OXNAD1: variants seen among roughly 807,000 people sequenced by gnomAD.
OXNAD1 encodes oxidoreductase NAD-binding domain-containing protein 1.
Under a neutral mutation model 32.9 loss-of-function variants are expected in OXNAD1, and 34 were observed. That is an observed-to-expected ratio of 1.03 (90% CI 0.79 to 1.38). The LOEUF is 1.38. OXNAD1 is among the 40% of genes most tolerant of loss of function. OXNAD1 has a pLI of 0.00. For missense variants in OXNAD1, 407 were observed against 379.4 expected, an observed-to-expected ratio of 1.07 and a Z score of -0.60; for synonymous variants, 134 against 135.2, an observed-to-expected ratio of 0.99 and a Z score of 0.06.
intron 4 of OXNAD1, among the ~76,000 whole-genome samples, chr3:16,279,363 G>GCTACAA (rs2065585802): frequency 1.3e-5 from 2 of 152,174 alleles, no homozygotes; most frequent in Non-Finnish European, 2.9e-5. Flanking sequence ...CAAAGAAAGG[G>GCTACAA]AGGCTCCTTG....
chr3:16,294,289 A>G (rs1189885444), intron 5 of OXNAD1, among the ~76,000 whole-genome samples: 2 of 149,956 alleles, frequency 1.3e-5, no homozygotes, highest in African/African-American at 4.9e-5. Context: ...TGCAACATCC[A>G]CCTCCCAGGT....
In OXNAD1 at chr3:16,321,420, C is replaced by T. The variant is rs1402494289; in HGVS notation, c.*31-15692C>T. ...AGCTGCTTCAGGGAGTGGGGGTGGT[C>T]CCAACATCCGGGCTGCAAGAGCTCA... On this transcript the variant is annotated intron_variant, in intron 9 of 9. Transcript: ENST00000435829. The surrounding 1 kb of genome is among the most constrained non-coding windows in gnomAD (Gnocchi z 4.8). Among the ~76,000 whole-genome samples the T allele has an allele frequency of 6.6e-6, 1 of 152,094 alleles. No individual in the cohort carries two copies. The highest frequency in any genetic ancestry group is 1.5e-5 in the Non-Finnish European group (1 of 68,004).
Position 16,314,252 on chromosome 3 carries a change from C to G in OXNAD1, c.*30+10660C>G, listed in dbSNP as rs2068178157. On this transcript the variant is annotated intron_variant, in intron 9 of 9. Coordinates refer to the OXNAD1 transcript ENST00000435829. The surrounding 1 kb of genome is among the most constrained non-coding windows in gnomAD (Gnocchi z 4.4). ...AAATGATGGCTTTTTACCCTATTGG[C>G]AATCACAGGGAACTTAACATTTCCT... is the stretch of plus-strand genomic sequence containing the variant. 1.3e-5 allele frequency among the ~76,000 whole-genome samples: 2 copies of G among 152,158 alleles called. No homozygotes were observed. The highest frequency in any genetic ancestry group is 4.8e-5 in the African/African-American group (2 of 41,436).
At chr3:16,347,142 T>G (rs981350943) in intron 9 of OXNAD1, among the ~76,000 whole-genome samples, 23 of 152,206 alleles carry the variant, frequency 1.5e-4, no homozygotes, top group African/African-American at 5.1e-4. Context: ...AGCTCTCTGA[T>G]GAAAATCCCA....
At chr3:16,308,591 T>G (rs1278915704), downstream of OXNAD1, among the ~76,000 whole-genome samples, 2 of 152,254 alleles carry the variant, frequency 1.3e-5, no homozygotes. This position sits in a 1 kb window ranked among gnomAD's most constrained non-coding sequence, Gnocchi z 4.4. Flanking sequence ...TGTTCTCATC[T>G]TAAACAGTGA....
chr3:16,323,524 G>T, intron 9 of OXNAD1: 2 of 1,130,382 alleles, frequency 1.8e-6, no homozygotes, highest in Middle Eastern at 2.0e-4. Context: ...TGACACAGAT[G>T]TTGCCATCCC....
At chr3:16,292,444 C>T (rs982441409) in intron 5 of OXNAD1, among the ~76,000 whole-genome samples, 39 of 152,112 alleles carry the variant, frequency 2.6e-4, no homozygotes, top group African/African-American at 9.4e-4. Context: ...CCACCCACCT[C>T]GGCCTCCCAA....
chr3:16,338,240 G>T (rs1258595000), downstream of OXNAD1, among the ~76,000 whole-genome samples: 1 of 152,236 alleles, frequency 6.6e-6, no homozygotes, highest in East Asian at 1.9e-4. This position sits in a 1 kb window ranked among gnomAD's most constrained non-coding sequence, Gnocchi z 5.3. Context: ...AGGGGTGTCT[G>T]CCCACACACA....
rs963446465 is a variant in OXNAD1, at chr3:16,265,395, G to T, written c.-269G>T. 1 of 155,620 alleles carries T rather than the reference G, an allele frequency of 6.4e-6. No individual in the cohort carries two copies. The highest frequency in any genetic ancestry group is 2.4e-5 in the African/African-American group (1 of 41,476). 9.6% of individuals were successfully genotyped at this position (155,620 alleles called of 1,614,324 possible). A position where few individuals can be genotyped will look rare whatever the true frequency, so the allele number is the denominator to read the frequency against. On this transcript the variant is annotated 5_prime_UTR_variant, in exon 1 of 9. Transcript: ENST00000285083. This position sits in a 1 kb window ranked among gnomAD's most constrained non-coding sequence, Gnocchi z 4.8. Reference sequence around the variant, plus strand: ...GGGGTGGGGAGGCGAGAGCAGCTTAGCCTCCTCGACCTCCCTTCCTGGTGA... The same window carrying T: ...GGGGTGGGGAGGCGAGAGCAGCTTATCCTCCTCGACCTCCCTTCCTGGTGA...
At chr3:16,285,607 G>A (rs1425992631) in intron 4 of OXNAD1, among the ~76,000 whole-genome samples, 2 of 152,188 alleles carry the variant, frequency 1.3e-5, no homozygotes, top group African/African-American at 2.4e-5. Flanking sequence ...CATAGCTCCC[G>A]AGTCAAACCT....
intron 9 of OXNAD1, among the ~76,000 whole-genome samples, chr3:16,332,862 T>C (rs1337153349): frequency 7.0e-6 from 1 of 142,770 alleles, no homozygotes; most frequent in African/African-American, 2.6e-5. Context: ...TACCTACAAT[T>C]GAACCTCATT....
In OXNAD1 at chr3:16,324,777, A is replaced by G. The variant is rs534248136; in HGVS notation, c.*31-12335A>G. On this transcript the variant is annotated intron_variant, in intron 9 of 9. Transcript: ENST00000435829. ...CTTAGCTGTTGTGAATAATGCTGCA[A>G]GGATCATGGAAATGCAGATCCCTCT... 2.0e-5 allele frequency among the ~76,000 whole-genome samples: 3 copies of G among 151,866 alleles called. No homozygotes were observed. In the South Asian group the frequency reaches 6.2e-4, roughly 32 times the overall value.
In OXNAD1 at chr3:16,312,331, G is replaced by A. The variant is rs1282973168; in HGVS notation, c.*30+8739G>A. Among the ~76,000 whole-genome samples the A allele has an allele frequency of 6.6e-6, 1 of 152,174 alleles. No individual in the cohort carries two copies. The highest frequency in any genetic ancestry group is 1.5e-5 in the Non-Finnish European group (1 of 68,026). On this transcript the variant is annotated intron_variant, in intron 9 of 9. Transcript: ENST00000435829. The surrounding 1 kb of genome is among the most constrained non-coding windows in gnomAD (Gnocchi z 4.7). ...AGTGGTTTTGGCGGGTCATAGTGCA[G>A]GCAGAGCACTAATCACCAGGGGCCC...
intron 4 of OXNAD1, among the ~76,000 whole-genome samples, chr3:16,285,312 C>T (rs183044296): frequency 3.3e-5 from 5 of 152,164 alleles, no homozygotes; most frequent in South Asian, 2.1e-4. Flanking sequence ...TAGGATGGGA[C>T]GTTCATTGAC....
rs1294745178 is a variant in OXNAD1, at chr3:16,327,567, G to A, written c.*31-9545G>A. Among the ~76,000 whole-genome samples, 4 of 152,044 alleles carry A rather than the reference G, an allele frequency of 2.6e-5. No individual in the cohort carries two copies. Among genetic ancestry groups the A allele is most frequent in the Non-Finnish European group, 4.4e-5 (3 of 68,002 alleles). Reference sequence around the variant, plus strand: ...ATGGTCAGGAGATCAAGACCATCCTGGCTAACACAGTGAAACCCCGTCTCT... The same window carrying A: ...ATGGTCAGGAGATCAAGACCATCCTAGCTAACACAGTGAAACCCCGTCTCT... On this transcript the variant is annotated intron_variant, in intron 9 of 9. Coordinates refer to the OXNAD1 transcript ENST00000435829. This position sits in a 1 kb window ranked among gnomAD's most constrained non-coding sequence, Gnocchi z 4.2.
At position 16,336,882 on chromosome 3, in the gene OXNAD1, T is replaced by G. The variant is rs1211711964; in HGVS notation, c.*31-230T>G. 1.3e-5 allele frequency among the ~76,000 whole-genome samples: 2 copies of G among 152,190 alleles called. No homozygotes were observed. Among genetic ancestry groups the G allele is most frequent in the African/African-American group, 4.8e-5 (2 of 41,444 alleles). ...AAAAATAATAATTGTTATTATTACA[T>G]GAAACATATTGTTTGGAAGAATGGT... On this transcript the variant is annotated intron_variant, in intron 9 of 9. Coordinates refer to the OXNAD1 transcript ENST00000435829. This position sits in a 1 kb window ranked among gnomAD's most constrained non-coding sequence, Gnocchi z 6.0.
intron 6 of OXNAD1, among the ~76,000 whole-genome samples, chr3:16,300,927 G>A (rs140224828): frequency 7.0e-4 from 106 of 152,278 alleles, no homozygotes; most frequent in African/African-American, 2.3e-3. Flanking sequence ...ATCAGAAGCA[G>A]TAGCACCCCC....
In OXNAD1 at chr3:16,334,178, A is replaced by C. The variant is rs1380361952; in HGVS notation, c.*31-2934A>C. ...AGACTCTGTCTCAAAACAAAAACAA[A>C]AACAAAAAACAACAACAAAAAATAC... On this transcript the variant is annotated intron_variant, in intron 9 of 9. Coordinates refer to the OXNAD1 transcript ENST00000435829. This position sits in a 1 kb window ranked among gnomAD's most constrained non-coding sequence, Gnocchi z 4.3. Among the ~76,000 whole-genome samples, 1 of 152,158 alleles carries C rather than the reference A, an allele frequency of 6.6e-6. No homozygotes were observed. The highest frequency in any genetic ancestry group is 1.5e-5 in the Non-Finnish European group (1 of 68,030).
rs981489970 is a variant in OXNAD1, at chr3:16,290,744, C to G, written c.291-4112C>G. Among the ~76,000 whole-genome samples, 30 of 152,218 alleles carry G rather than the reference C, an allele frequency of 2.0e-4. No individual in the cohort carries two copies. The highest frequency in any genetic ancestry group is 2.1e-4 in the Non-Finnish European group (14 of 68,040). On this transcript the variant is annotated intron_variant, in intron 5 of 8. Transcript: ENST00000285083. This position sits in a 1 kb window ranked among gnomAD's most constrained non-coding sequence, Gnocchi z 4.2. ...TTGGCCAAAGACCTTTTCTGGAGCA[C>G]TTCCAATCCAGAACTGGTTTTTAAA...
Sources: allele counts gnomAD v4.1 joint callset (sites outside exome capture counted in the v4.1 genomes callset), GRCh38; gene constraint gnomAD v4.1.1; non-coding constraint Gnocchi (gnomAD v3.1); transcripts MANE v1.5; gene names NCBI Gene and HGNC (gene_info 2026-07-23, HGNC 2026-07-21).